The following USP24 variants were observed in gnomAD, a reference collection of about 807,000 sequenced individuals.
USP24 encodes the protein ubiquitin carboxyl-terminal hydrolase 24.
Under a neutral mutation model 361.6 loss-of-function variants are expected in USP24, and 97 were observed. That is an observed-to-expected ratio of 0.27 (90% CI 0.23 to 0.32). The LOEUF (loss-of-function observed/expected upper bound fraction) is 0.32, where lower values mean the gene tolerates loss of function less well. Ranked by LOEUF, USP24 falls within the 10% of genes least tolerant of loss-of-function variation. The pLI is 1.00. For synonymous variants in USP24, 1,098 were observed against 1,124.6 expected (o/e 0.98, Z 0.47); for missense variants, 2,353 against 3,165.6 (o/e 0.74, Z 6.16).
intron 32 of USP24, among the ~76,000 whole-genome samples, chr1:55,129,138 T>C (rs991267279): frequency 6.6e-6 from 1 of 152,112 alleles, no homozygotes; most frequent in Admixed American, 6.5e-5. Context: ...CACTAATACC[T>C]TGCACAATAT....
chr1:55,090,575 T>C (rs1485399458), intron 54 of USP24, among the ~76,000 whole-genome samples: 1 of 152,220 alleles, frequency 6.6e-6, no homozygotes, highest in African/African-American at 2.4e-5. Flanking sequence ...CTCTCCATAC[T>C]TGGAGAAGCT....
chr1:55,102,018 G>A (rs981682976), intron 42 of USP24, among the ~76,000 whole-genome samples: 2 of 152,112 alleles, frequency 1.3e-5, no homozygotes, highest in African/African-American at 2.4e-5. Flanking sequence ...GCCAGGCACT[G>A]TGCATGGGAT....
chr1:55,165,130 T>C lies in USP24; in HGVS notation c.927+755A>G, dbSNP rs149962439. ...AGAGGGACCAATAGGAATTGATTAGTCATGGTTTCACAAAAATAACTGCAA... is the reference window on the plus strand; with the variant it reads ...AGAGGGACCAATAGGAATTGATTAGCCATGGTTTCACAAAAATAACTGCAA... On this transcript the variant is annotated intron_variant, in intron 7 of 67. Coordinates refer to ENST00000294383, the MANE Select transcript of USP24 (RefSeq NM_015306.3). Among the ~76,000 whole-genome samples the C allele has an allele frequency of 2.3e-3, 357 of 152,222 alleles. 2 individuals carry two copies. Among genetic ancestry groups the C allele is most frequent in the Non-Finnish European group, 3.8e-3 (257 of 67,960 alleles).
At chr1:55,142,023 G>A (rs1012408165) in intron 23 of USP24, among the ~76,000 whole-genome samples, 10 of 152,078 alleles carry the variant, frequency 6.6e-5, no homozygotes, top group African/African-American at 1.7e-4. Flanking sequence ...AGGGGTATTC[G>A]AATACTTGAA....
intron 47 of USP24, 88 bp from the exon 48 acceptor site, chr1:55,097,805 C>A: frequency 1.3e-6 from 2 of 1,501,412 alleles, no homozygotes; most frequent in South Asian, 2.7e-5. Context: ...AAAGGCCTTT[C>A]TGATCCATGT....
At chr1:55,150,332 C>A (rs1056961645) in intron 16 of USP24, among the ~76,000 whole-genome samples, 1 of 152,136 alleles carries the variant, frequency 6.6e-6, no homozygotes, top group South Asian at 2.1e-4. Flanking sequence ...AACTGCAAAA[C>A]GGACAGTTTC....
chr1:55,151,817 TA>T (rs1647201070), intron 16 of USP24: 1 of 865,156 alleles, frequency 1.2e-6, no homozygotes, highest in Admixed American at 6.2e-5. Flanking sequence ...TTGGGAATTT[TA>T]AGAGTATCAA....
At chr1:55,136,310 T>C (rs55654160) in intron 28 of USP24, among the ~76,000 whole-genome samples, 6,126 of 151,446 alleles carry the variant, frequency 0.04, 396 homozygotes, top group African/African-American at 0.14. Flanking sequence ...GAGGCTGGAG[T>C]GGTGAGAGAA....
chr1:55,078,074 C>T (rs375347915), intron 61 of USP24, among the ~76,000 whole-genome samples: 1 of 152,204 alleles, frequency 6.6e-6, no homozygotes, highest in African/African-American at 2.4e-5. Context: ...CTTGTTAACA[C>T]TACATGTATC....
intron 44 of USP24, among the ~76,000 whole-genome samples, chr1:55,100,514 G>T (rs528928062): frequency 1.3e-5 from 2 of 151,728 alleles, no homozygotes; most frequent in South Asian, 2.1e-4. Context: ...AAAAAAAAGT[G>T]TTCTTTATTT....
At chr1:55,100,751 A>C (rs1645613334) in intron 44 of USP24, 88 bp downstream of exon 44, 1 of 1,352,580 alleles carries the variant, frequency 7.4e-7, no homozygotes, top group Admixed American at 3.3e-5. Flanking sequence ...GTCTAAAGTT[A>C]ATAAAAACAA....
At chr1:55,071,790 A>T (rs778664485) in intron 67 of USP24, 24 bp downstream of exon 67, 87 of 1,596,924 alleles carry the variant, frequency 5.4e-5, no homozygotes, top group Non-Finnish European at 7.4e-5. Flanking sequence ...CCCTTTGCAC[A>T]CAAGGACATG....
chr1:55,089,315 C>T (rs796735739), intron 55 of USP24, among the ~76,000 whole-genome samples: 2 of 152,154 alleles, frequency 1.3e-5, no homozygotes, highest in African/African-American at 4.8e-5. Flanking sequence ...CACCAGATTC[C>T]GAGTCCCTGA....
intron 38 of USP24, among the ~76,000 whole-genome samples, chr1:55,113,003 C>T (rs1645998834): frequency 6.6e-6 from 1 of 152,122 alleles, no homozygotes; most frequent in Non-Finnish European, 1.5e-5. Flanking sequence ...GCATTGATAT[C>T]TTTACCATTG....
intron 11 of USP24, 27 bp from the exon 12 acceptor site, chr1:55,157,078 G>T: frequency 6.4e-7 from 1 of 1,560,100 alleles, no homozygotes; most frequent in Non-Finnish European, 8.8e-7. Flanking sequence ...GAGAGAGAAA[G>T]TCAGATATAG....
chr1:55,097,316 G>T, intron 48 of USP24, 144 bp from the exon 49 acceptor site: 1 of 1,123,330 alleles, frequency 8.9e-7, no homozygotes, highest in Non-Finnish European at 1.2e-6. Context: ...TAAAATCTCA[G>T]AAATGTTAAG....
intron 62 of USP24, 139 bp from the exon 63 acceptor site, chr1:55,075,662 AC>A (rs1263449160): frequency 0.11 from 45,917 of 417,866 alleles, 2,302 homozygotes; most frequent in African/African-American, 0.18. Context: ...AACAACAACA[AC>A]AACACCACCA....
chr1:55,085,883 A>C, intron 56 of USP24, 59 bp downstream of exon 56: 1 of 1,529,954 alleles, frequency 6.5e-7, no homozygotes, highest in South Asian at 1.1e-5. Context: ...TATTACCTGC[A>C]ATTTAAAACA....
chr1:55,215,245 C>T lies in USP24; in HGVS notation c.-132G>A. 1.5e-6 allele frequency: 1 copy of T among 684,380 alleles called. No homozygotes were observed. Among genetic ancestry groups the T allele is most frequent in the Non-Finnish European group, 2.0e-6 (1 of 505,314 alleles). 42.4% of individuals were successfully genotyped at this position (684,380 alleles called of 1,614,324 possible). A position where few individuals can be genotyped will look rare whatever the true frequency, so the allele number is the denominator to read the frequency against. On this transcript the variant is annotated 5_prime_UTR_variant, in exon 1 of 68. Transcript: ENST00000294383. The stretch of plus-strand genomic sequence containing the variant: ...CCCCTGCGTTCCTGCCCCGGGTGCT[C>T]CGCAGCAGCCGGGCCAGGCTGGGTG...
Sources: gnomAD v4.1 joint callset for allele counts (sites outside exome capture counted in the v4.1 genomes callset) on GRCh38, gnomAD v4.1.1 for gene constraint, MANE v1.5 for transcripts, NCBI Gene and HGNC (gene_info 2026-07-23, HGNC 2026-07-21) for gene names.